The following MGMT variants were observed in gnomAD, a reference collection of about 807,000 sequenced individuals.
The protein encoded by MGMT is O-6-methylguanine-DNA methyltransferase.
MGMT carries 14 observed loss-of-function variants against 15.9 expected under a neutral mutation model. The ratio of observed to expected loss-of-function variants is 0.88; its 90% CI spans 0.58 to 1.37. The LOEUF is 1.37. Ranked by LOEUF, MGMT falls within the 40% of genes most tolerant of loss-of-function variation. MGMT has a pLI of 0.00. For synonymous variants in MGMT, 130 were observed against 118.2 expected (o/e 1.10, Z -0.65); for missense variants, 282 against 268.1 (o/e 1.05, Z -0.36).
At chr10:129,684,955 C>A (rs1339699321) in intron 2 of MGMT, among the ~76,000 whole-genome samples, 1 of 152,222 alleles carries the variant, frequency 6.6e-6, no homozygotes, top group Non-Finnish European at 1.5e-5. Context: ...AAGCGATTTG[C>A]ATCTTGATGT....
At chr10:129,544,718 C>CCT (rs1483718400) in intron 2 of MGMT, among the ~76,000 whole-genome samples, 1 of 152,242 alleles carries the variant, frequency 6.6e-6, no homozygotes, top group Non-Finnish European at 1.5e-5. Flanking sequence ...GCATTGCCTG[C>CCT]CTCTCGGTCC....
intron 2 of MGMT, among the ~76,000 whole-genome samples, chr10:129,583,194 T>C (rs1008318266): frequency 2.0e-5 from 3 of 152,352 alleles, no homozygotes; most frequent in South Asian, 4.1e-4. Flanking sequence ...GTGTACTTTA[T>C]TTAACTTGTA....
intron 3 of MGMT, among the ~76,000 whole-genome samples, chr10:129,752,526 CTT>C (rs34967203): frequency 6.6e-6 from 1 of 151,724 alleles, no homozygotes. Flanking sequence ...TTTGTGCCCT[CTT>C]TTTTTCCTTT....
At position 129,755,566 on chromosome 10, in the gene MGMT, G is replaced by A. The variant is rs1341786163; in HGVS notation, c.275-3636G>A. ...GAAGGATGCCCCTTCCCCCCAGGAA[G>A]CCACACGGACCTTGACAGGTCACCA... On this transcript the variant is annotated intron_variant, in intron 3 of 4. Coordinates refer to ENST00000651593, the MANE Select transcript of MGMT (RefSeq NM_002412.5). 1.7e-4 allele frequency among the ~76,000 whole-genome samples: 26 copies of A among 152,248 alleles called. 1 individual carries two copies. Among genetic ancestry groups the A allele is most frequent in the Non-Finnish European group, 1.5e-5 (1 of 68,046 alleles).
At chr10:129,482,199 G>T (rs1010849638) in intron 1 of MGMT, among the ~76,000 whole-genome samples, 5 of 152,070 alleles carry the variant, frequency 3.3e-5, no homozygotes, top group Non-Finnish European at 7.4e-5. Context: ...CCAAGAATTT[G>T]GGGATTTAAA....
intron 1 of MGMT, among the ~76,000 whole-genome samples, chr10:129,501,709 A>G (rs896023112): frequency 1.3e-5 from 2 of 152,196 alleles, no homozygotes; most frequent in African/African-American, 4.8e-5. Context: ...CATGGTCACC[A>G]CGACCATTCC....
intron 3 of MGMT, among the ~76,000 whole-genome samples, chr10:129,740,346 A>G (rs773715056): frequency 6.6e-6 from 1 of 152,186 alleles, no homozygotes; most frequent in Non-Finnish European, 1.5e-5. Context: ...ATCTGGGGGT[A>G]GCACTACAGG....
intron 2 of MGMT, among the ~76,000 whole-genome samples, chr10:129,654,280 G>GA (rs1847498411): frequency 6.6e-6 from 1 of 152,162 alleles, no homozygotes; most frequent in Admixed American, 6.5e-5. Context: ...GGCGAGGATG[G>GA]AAAGGGGTGC....
At position 129,676,370 on chromosome 10, in the gene MGMT, C is replaced by T. The variant is rs554541351; in HGVS notation, c.126-31525C>T. On this transcript the variant is annotated intron_variant, in intron 2 of 4. Transcript: ENST00000651593. ...TGAACATACAGGTTGATGGCAACAG[C>T]GCTGGGGCCATGGGGATGACTGCGG... 7.2e-4 allele frequency among the ~76,000 whole-genome samples: 109 copies of T among 152,302 alleles called. 1 individual carries two copies. The South Asian group carries it at 7.7e-3, about 11-fold the overall frequency.
intron 1 of MGMT, among the ~76,000 whole-genome samples, chr10:129,488,921 A>G (rs1259467852): frequency 6.6e-6 from 1 of 152,216 alleles, no homozygotes; most frequent in Non-Finnish European, 1.5e-5. Flanking sequence ...AGAAATGAGG[A>G]GAGACACAGT....
intron 2 of MGMT, among the ~76,000 whole-genome samples, chr10:129,658,750 T>G (rs376512629): frequency 6.6e-6 from 1 of 152,230 alleles, no homozygotes; most frequent in East Asian, 1.9e-4. Flanking sequence ...TGTATTAACC[T>G]GATTGGCTAG....
chr10:129,664,143 A>C (rs763612959), intron 2 of MGMT, among the ~76,000 whole-genome samples: 7 of 152,192 alleles, frequency 4.6e-5, no homozygotes, highest in Non-Finnish European at 8.8e-5. Flanking sequence ...CCAGGAATGC[A>C]AGGGTAGTTT....
chr10:129,672,079 C>G (rs112400771), intron 2 of MGMT, among the ~76,000 whole-genome samples: 1,961 of 152,304 alleles, frequency 0.013, 25 homozygotes, highest in Non-Finnish European at 0.022. Context: ...ATCAGTACAC[C>G]ATTGCCTTTA....
intron 2 of MGMT, among the ~76,000 whole-genome samples, chr10:129,553,221 A>G (rs1175903223): frequency 6.6e-6 from 1 of 152,258 alleles, no homozygotes; most frequent in East Asian, 1.9e-4. Flanking sequence ...TTGGGAGACT[A>G]GTATAATTTC....
chr10:129,610,183 T>G (rs1846942746), intron 2 of MGMT, among the ~76,000 whole-genome samples: 1 of 152,244 alleles, frequency 6.6e-6, no homozygotes. Flanking sequence ...GAAAATATTT[T>G]TATCATTAGA....
At chr10:129,494,192 C>A (rs926049627) in intron 1 of MGMT, among the ~76,000 whole-genome samples, 2 of 152,168 alleles carry the variant, frequency 1.3e-5, no homozygotes, top group Non-Finnish European at 2.9e-5. Context: ...TCTTAGCCAG[C>A]CTCTTAGTTT....
chr10:129,769,587 C>G lies in MGMT; in HGVS notation c.*2590C>G, dbSNP rs191607439. Among the ~76,000 whole-genome samples, 14 of 151,782 alleles carry G rather than the reference C, an allele frequency of 9.2e-5. No homozygotes were observed. In the East Asian group the frequency reaches 2.8e-3, roughly 30 times the overall value. On this transcript the variant is annotated 3_prime_UTR_variant, in exon 5 of 5. Transcript: ENST00000651593. Reference sequence around the variant, plus strand: ...ACCGGCGGACCACGCTCCCCTGTTTCCAGAGAGATGAGAGAGTCAGAAGTA... The same window carrying G: ...ACCGGCGGACCACGCTCCCCTGTTTGCAGAGAGATGAGAGAGTCAGAAGTA...
At chr10:129,487,610 A>G (rs1845422157) in intron 1 of MGMT, among the ~76,000 whole-genome samples, 1 of 151,994 alleles carries the variant, frequency 6.6e-6, no homozygotes, top group Non-Finnish European at 1.5e-5. Context: ...CACACACTAT[A>G]TATGAAATGC....
intron 2 of MGMT, among the ~76,000 whole-genome samples, chr10:129,617,776 G>A (rs776020984): frequency 3.9e-5 from 6 of 151,980 alleles, no homozygotes; most frequent in Admixed American, 6.6e-5. Flanking sequence ...TTTTTTTACA[G>A]AGTTGATTGT....
Sources: allele counts gnomAD v4.1 joint callset (sites outside exome capture counted in the v4.1 genomes callset), GRCh38; gene constraint gnomAD v4.1.1; transcripts MANE v1.5; gene names NCBI Gene and HGNC (gene_info 2026-07-23, HGNC 2026-07-21).